SPATS2: variants seen among roughly 807,000 people sequenced by gnomAD.
The protein encoded by SPATS2 is spermatogenesis-associated serine-rich protein 2.
Under a neutral mutation model 63.7 loss-of-function variants are expected in SPATS2, and 38 were observed. The ratio of observed to expected loss-of-function variants is 0.60; its 90% CI spans 0.46 to 0.78. The LOEUF (loss-of-function observed/expected upper bound fraction) is 0.78, where lower values mean the gene tolerates loss of function less well. SPATS2 is among the 30% of genes least tolerant of loss of function. The pLI, the probability that SPATS2 is intolerant of heterozygous loss-of-function variation, is 0.00. For synonymous variants in SPATS2, 207 were observed against 232.9 expected (o/e 0.89, Z 1.01); for missense variants, 588 against 666.2 (o/e 0.88, Z 1.29).
intron 6 of SPATS2, among the ~76,000 whole-genome samples, chr12:49,494,368 G>A (rs1209898515): frequency 6.6e-6 from 1 of 152,050 alleles, no homozygotes; most frequent in Non-Finnish European, 1.5e-5. Flanking sequence ...TATGCTTATA[G>A]CTTATACTAT....
chr12:49,384,885 C>G (rs568423064), intron 2 of SPATS2, among the ~76,000 whole-genome samples: 204 of 152,194 alleles, frequency 1.3e-3, no homozygotes, highest in African/African-American at 4.7e-3. Context: ...CCTTGGCTCA[C>G]CGCAACCTTC....
At chr12:49,378,593 G>A (rs904273329) in intron 2 of SPATS2, among the ~76,000 whole-genome samples, 4 of 149,106 alleles carry the variant, frequency 2.7e-5, no homozygotes, top group Non-Finnish European at 4.5e-5. Context: ...CACCACGCCC[G>A]GCCAATTTTA....
intron 6 of SPATS2, 69 bp downstream of exon 6, chr12:49,490,800 AT>A (rs1471388741): frequency 6.9e-7 from 1 of 1,443,928 alleles, no homozygotes; most frequent in Non-Finnish European, 9.5e-7. Flanking sequence ...CTCTGCAAAA[AT>A]ATTTGAAAGA....
At position 49,524,746 on chromosome 12, in the gene SPATS2, G is replaced by T; in HGVS notation, c.1176G>T (p.Leu392Phe). ...GTAGCTCAGTTACATCTGTGTCCTT[G>T]AGTAGCCCAAGTGATGCCTCTGCTG... ...SRCSSVTSVSLSSPSDASAAS... is the reference protein window; with the variant it reads ...SRCSSVTSVSFSSPSDASAAS... Residue 392 changes from leucine (L) to phenylalanine (F), a missense_variant, in exon 13 of 14, where the codon TTG becomes TTT. Leu to Phe is a conservative substitution (Grantham distance 22, BLOSUM62 0). Transcript: ENST00000552918. 1.9e-6 allele frequency: 3 copies of T among 1,614,138 alleles called. No individual in the cohort carries two copies. The highest frequency in any genetic ancestry group is 2.5e-6 in the Non-Finnish European group (3 of 1,180,034).
intron 2 of SPATS2, among the ~76,000 whole-genome samples, chr12:49,397,963 A>G (rs1944540541): frequency 6.6e-6 from 1 of 151,284 alleles, no homozygotes; most frequent in Non-Finnish European, 1.5e-5. Flanking sequence ...CAGCCTGGGC[A>G]TCATGGCAAA....
At chr12:49,519,219 C>G in intron 11 of SPATS2, 37 bp downstream of exon 11, 1 of 1,531,242 alleles carries the variant, frequency 6.5e-7, no homozygotes, top group Non-Finnish European at 9.0e-7. Flanking sequence ...TTCTTCTTAT[C>G]CTCAGGGGCT....
chr12:49,387,709 A>C (rs1466009037), intron 2 of SPATS2, among the ~76,000 whole-genome samples: 2 of 148,218 alleles, frequency 1.3e-5, no homozygotes, highest in African/African-American at 4.9e-5. Context: ...GGCTTCTTTG[A>C]TGGACAGCAT....
chr12:49,423,690 T>C (rs939600362), intron 2 of SPATS2, among the ~76,000 whole-genome samples: 6 of 151,996 alleles, frequency 3.9e-5, no homozygotes, highest in Non-Finnish European at 5.9e-5. Context: ...GAGAGTCCTC[T>C]GATGCTTTCA....
In SPATS2 at chr12:49,433,962, G is replaced by A. The variant is rs542269309; in HGVS notation, c.-243-26808G>A. On this transcript the variant is annotated intron_variant, in intron 2 of 13. Coordinates refer to ENST00000552918, the MANE Select transcript of SPATS2 (RefSeq NM_023071.4). ...TTTTGAGTTAATTTTTGTGTATGGTGTAAGGTAACGGTCCAGCTTCATTCT... is the reference window on the plus strand; with the variant it reads ...TTTTGAGTTAATTTTTGTGTATGGTATAAGGTAACGGTCCAGCTTCATTCT... Among the ~76,000 whole-genome samples the A allele has an allele frequency of 7.2e-5, 11 of 152,278 alleles. No individual in the cohort carries two copies. The South Asian group carries it at 1.2e-3, about 17-fold the overall frequency.
chr12:49,491,860 C>T (rs1946388201), intron 6 of SPATS2, among the ~76,000 whole-genome samples: 1 of 152,196 alleles, frequency 6.6e-6, no homozygotes, highest in Non-Finnish European at 1.5e-5. Flanking sequence ...CAGCTCTGCA[C>T]TGTAAAGGTA....
intron 4 of SPATS2, among the ~76,000 whole-genome samples, chr12:49,489,080 C>T (rs1473021434): frequency 6.6e-6 from 1 of 152,168 alleles, no homozygotes; most frequent in Non-Finnish European, 1.5e-5. Flanking sequence ...AAAAATCTTA[C>T]ATAAAAATCT....
At chr12:49,467,951 T>C (rs960887353) in intron 3 of SPATS2, among the ~76,000 whole-genome samples, 1 of 151,986 alleles carries the variant, frequency 6.6e-6, no homozygotes, top group Non-Finnish European at 1.5e-5. Context: ...GCCAGGATGG[T>C]CTCGATCTCC....
At chr12:49,509,029 A>G (rs1226714920) in intron 9 of SPATS2, among the ~76,000 whole-genome samples, 1 of 151,824 alleles carries the variant, frequency 6.6e-6, no homozygotes, top group African/African-American at 2.4e-5. Context: ...ATGCCACTGC[A>G]CTCTGGCCTG....
intron 1 of SPATS2, among the ~76,000 whole-genome samples, chr12:49,369,955 T>A (rs1943969930): frequency 6.6e-6 from 1 of 152,146 alleles, no homozygotes; most frequent in South Asian, 2.1e-4. Flanking sequence ...TAGGATCCTT[T>A]TAGAAACCAG....
chr12:49,392,918 G>A (rs1324376011), intron 2 of SPATS2, among the ~76,000 whole-genome samples: 1 of 152,106 alleles, frequency 6.6e-6, no homozygotes, highest in Non-Finnish European at 1.5e-5. Flanking sequence ...CAGGCGTGGT[G>A]GCAGGCGCCC....
intron 8 of SPATS2, among the ~76,000 whole-genome samples, chr12:49,498,145 A>AAAATATATATATATATATATATATATAT (rs66900382): frequency 6.1e-5 from 6 of 98,954 alleles, no homozygotes; most frequent in Non-Finnish European, 7.5e-5. Flanking sequence ...AAAAAAAAAA[A>AAAATATATATATATATATATATATATAT]ATATATATAT....
At chr12:49,491,856 T>C (rs1009639263) in intron 6 of SPATS2, among the ~76,000 whole-genome samples, 2 of 152,254 alleles carry the variant, frequency 1.3e-5, no homozygotes, top group African/African-American at 4.8e-5. Context: ...CCCACAGCTC[T>C]GCACTGTAAA....
At chr12:49,385,283 A>G (rs1944292785) in intron 2 of SPATS2, among the ~76,000 whole-genome samples, 1 of 151,200 alleles carries the variant, frequency 6.6e-6, no homozygotes, top group African/African-American at 2.4e-5. Context: ...GGTATTTCAA[A>G]AAAAAAAAAC....
At chr12:49,414,962 A>G (rs1235851194) in intron 2 of SPATS2, among the ~76,000 whole-genome samples, 10 of 132,354 alleles carry the variant, frequency 7.6e-5, no homozygotes, top group Admixed American at 7.7e-5. Flanking sequence ...TTTTTGAGAC[A>G]GAGTTTAACT....
Sources: allele counts gnomAD v4.1 joint callset (sites outside exome capture counted in the v4.1 genomes callset), GRCh38; gene constraint gnomAD v4.1.1; transcripts MANE v1.5; gene names NCBI Gene and HGNC (gene_info 2026-07-23, HGNC 2026-07-21).